CPNE8: variants seen among roughly 807,000 people sequenced by gnomAD.
CPNE8 encodes the protein copine-8.
A neutral mutation model predicts 81.5 loss-of-function variants in CPNE8; 45 were observed. The ratio of observed to expected loss-of-function variants is 0.55; its 90% CI spans 0.44 to 0.71. The LOEUF (loss-of-function observed/expected upper bound fraction) is 0.71. Among genes scored for constraint, CPNE8 ranks in the 30% least tolerant of loss-of-function variants. The probability of loss-of-function intolerance (pLI) is 0.00; values close to 1 mark genes in which losing one functional copy is unlikely to be tolerated. For synonymous variants in CPNE8, 252 were observed against 226.3 expected (o/e 1.11, Z -1.02); for missense variants, 594 against 672.1 (o/e 0.88, Z 1.28).
intron 1 of CPNE8, 35 bp downstream of exon 1, chr12:38,905,402 G>C: frequency 6.5e-7 from 1 of 1,546,022 alleles, no homozygotes; most frequent in Non-Finnish European, 8.7e-7. Context: ...CCACAGATGA[G>C]AGGGCAGGAG....
chr12:38,684,301 T>G (rs556784611), intron 16 of CPNE8, among the ~76,000 whole-genome samples: 1 of 152,232 alleles, frequency 6.6e-6, no homozygotes, highest in East Asian at 1.9e-4. Context: ...GCCAAGATTG[T>G]ATTTAAGAAA....
intron 6 of CPNE8, among the ~76,000 whole-genome samples, chr12:38,797,768 T>C (rs1565622077): frequency 6.6e-6 from 1 of 152,042 alleles, no homozygotes; most frequent in African/African-American, 2.4e-5. Flanking sequence ...AGGAGGAAGT[T>C]TGAACCAATG....
chr12:38,835,447 C>T (rs1202110324), intron 5 of CPNE8, among the ~76,000 whole-genome samples: 6 of 152,142 alleles, frequency 3.9e-5, no homozygotes. Flanking sequence ...TTATTGTATT[C>T]ATGTTCATTG....
At chr12:38,899,472 T>TA (rs1944430330) in intron 1 of CPNE8, among the ~76,000 whole-genome samples, 1 of 152,204 alleles carries the variant, frequency 6.6e-6, no homozygotes, top group South Asian at 2.1e-4. Context: ...ATGTATGATG[T>TA]TAATAAGCCA....
intron 10 of CPNE8, among the ~76,000 whole-genome samples, chr12:38,741,737 C>T (rs975235427): frequency 4.6e-5 from 7 of 152,058 alleles, no homozygotes; most frequent in African/African-American, 1.7e-4. Context: ...GAACAGGCAA[C>T]CTACAGAATG....
Position 38,654,013 on chromosome 12 carries a change from T to C in CPNE8, c.1564A>G (p.Arg522Gly), listed in dbSNP as rs749793373. 3 of 1,613,690 alleles carry C rather than the reference T, an allele frequency of 1.9e-6. No homozygotes were observed. Among genetic ancestry groups the C allele is most frequent in the Non-Finnish European group, 2.5e-6 (3 of 1,179,906 alleles). The stretch of plus-strand genomic sequence containing the variant: ...TCAGCTAGGACATCTTTAGCCAATC[T>C]AGCCATGCTCAGTATGTGGTTTCCA... ...RSGNHILSMA[R>G]LAKDVLAEIP... Residue 522 changes from arginine (R) to glycine (G), a missense_variant, in exon 20 of 20, where the codon AGA (arginine) becomes GGA (glycine). Transcript: ENST00000331366.
intron 16 of CPNE8, 22 bp downstream of exon 16, chr12:38,685,467 CA>C (rs755854274): frequency 8.7e-6 from 14 of 1,608,412 alleles, no homozygotes; most frequent in Non-Finnish European, 1.1e-5. Flanking sequence ...TCAGAATAAG[CA>C]CCTTGTCTAC....
chr12:38,723,961 C>A, intron 12 of CPNE8, 128 bp from the exon 13 acceptor site: 2 of 627,550 alleles, frequency 3.2e-6, no homozygotes, highest in Non-Finnish European at 5.7e-6. Flanking sequence ...TTTTTATTAA[C>A]ATCTGCTAGG....
rs144248862 is a variant in CPNE8 at position 38,668,367 on chromosome 12, C to T, written c.1506+2362G>A. ...CAATATTCTGTTCAATGTAGTATAT[C>T]TATTGATTGATTAGTTTCGTGATCA... is the stretch of plus-strand genomic sequence containing the variant. On this transcript the variant is annotated intron_variant, in intron 19 of 19. Coordinates refer to ENST00000331366, the MANE Select transcript of CPNE8 (RefSeq NM_153634.3). 4.7e-3 allele frequency among the ~76,000 whole-genome samples: 716 copies of T among 152,190 alleles called. 5 individuals carry two copies. The highest frequency in any genetic ancestry group is 0.016 in the African/African-American group (665 of 41,520).
chr12:38,836,042 TCATTA>T (rs1943374554), intron 5 of CPNE8, among the ~76,000 whole-genome samples: 1 of 152,170 alleles, frequency 6.6e-6, no homozygotes, highest in Non-Finnish European at 1.5e-5. Flanking sequence ...ATTAATCCTT[TCATTA>T]ATGATTTGGC....
rs11503917 is a variant in CPNE8 at position 38,806,572 on chromosome 12, T to G, written c.407+22807A>C. 3.4e-5 allele frequency among the ~76,000 whole-genome samples: 5 copies of G among 148,908 alleles called. 1 individual carries two copies. The highest frequency in any genetic ancestry group is 1.3e-4 in the Admixed American group (2 of 14,934). ...CAACAACCCTTCATGCTAAAAACTC[T>G]CAATAAATTAGGTACTGATGGGACG... On this transcript the variant is annotated intron_variant, in intron 6 of 19. Coordinates refer to ENST00000331366, the MANE Select transcript of CPNE8 (RefSeq NM_153634.3).
intron 19 of CPNE8, among the ~76,000 whole-genome samples, chr12:38,660,563 C>A (rs1591994352): frequency 6.6e-6 from 1 of 152,086 alleles, no homozygotes; most frequent in South Asian, 2.1e-4. Flanking sequence ...AGAATAAAGA[C>A]TTCATGACTA....
intron 10 of CPNE8, among the ~76,000 whole-genome samples, chr12:38,760,451 ATG>A (rs1555154517): frequency 7.5e-5 from 9 of 120,162 alleles, no homozygotes; most frequent in African/African-American, 2.7e-4. Flanking sequence ...ATATATATAT[ATG>A]TGTGTGTATA....
At chr12:38,737,276 G>A (rs763213355) in intron 10 of CPNE8, among the ~76,000 whole-genome samples, 1 of 151,334 alleles carries the variant, frequency 6.6e-6, no homozygotes, top group Non-Finnish European at 1.5e-5. Context: ...TTATGTCATT[G>A]GTCAATGGCT....
At chr12:38,844,911 A>G (rs184480046) in intron 4 of CPNE8, among the ~76,000 whole-genome samples, 1 of 152,324 alleles carries the variant, frequency 6.6e-6, no homozygotes, top group Admixed American at 6.5e-5. Context: ...CTGTTGGTCA[A>G]TTTACACTAG....
At chr12:38,808,064 C>A (rs1942854621) in intron 6 of CPNE8, among the ~76,000 whole-genome samples, 1 of 152,010 alleles carries the variant, frequency 6.6e-6, no homozygotes, top group Middle Eastern at 3.2e-3. Flanking sequence ...TATCATCTCA[C>A]ACCAGTTAGA....
intron 15 of CPNE8, among the ~76,000 whole-genome samples, chr12:38,686,604 T>G (rs896543254): frequency 2.6e-5 from 4 of 152,216 alleles, no homozygotes; most frequent in Non-Finnish European, 5.9e-5. Flanking sequence ...ATTTTTGAAG[T>G]CTCAGGAATC....
At chr12:38,673,044 G>A (rs1431997503) in intron 18 of CPNE8, among the ~76,000 whole-genome samples, 1 of 152,154 alleles carries the variant, frequency 6.6e-6, no homozygotes, top group Non-Finnish European at 1.5e-5. Flanking sequence ...TGTAGAGGGA[G>A]GGAAGTGACT....
intron 3 of CPNE8, among the ~76,000 whole-genome samples, chr12:38,855,685 A>G (rs1474830569): frequency 6.6e-6 from 1 of 152,140 alleles, no homozygotes; most frequent in Admixed American, 6.5e-5. Flanking sequence ...ATAATAATGC[A>G]CTGTATATTT....
Sources: gnomAD v4.1 joint callset for allele counts (sites outside exome capture counted in the v4.1 genomes callset) on GRCh38, gnomAD v4.1.1 for gene constraint, MANE v1.5 for transcripts, NCBI Gene and HGNC (gene_info 2026-07-23, HGNC 2026-07-21) for gene names.